The following FSTL4 variants were observed in gnomAD, a reference collection of about 807,000 sequenced individuals.
The protein encoded by FSTL4 is follistatin-related protein 4.
Under a neutral mutation model 78.2 loss-of-function variants are expected in FSTL4, and 28 were observed. That is an observed-to-expected ratio of 0.36 (90% CI 0.27 to 0.49). The LOEUF (loss-of-function observed/expected upper bound fraction) is 0.49, where lower values mean the gene tolerates loss of function less well. FSTL4 is among the 20% of genes least tolerant of loss of function. FSTL4 has a pLI of 0.98. For synonymous variants in FSTL4, 422 were observed against 440.5 expected (o/e 0.96, Z 0.53); for missense variants, 922 against 1,084.9 (o/e 0.85, Z 2.11).
At chr5:133,778,270 A>C in the FSTL4 span, among the ~76,000 whole-genome samples, 1 of 152,220 alleles carries the variant, frequency 6.6e-6, no homozygotes, top group African/African-American at 2.4e-5. Context: ...AAGGCTTCTC[A>C]AAGAAAGCCC....
chr5:133,412,303 C>G (rs757767639), intron 3 of FSTL4, among the ~76,000 whole-genome samples: 46 of 151,968 alleles, frequency 3.0e-4, no homozygotes, highest in Non-Finnish European at 1.5e-4. Context: ...TAGGAAAAGG[C>G]AAATCAGTGA....
chr5:133,353,491 C>T (rs1297001798), intron 4 of FSTL4, among the ~76,000 whole-genome samples: 1 of 152,094 alleles, frequency 6.6e-6, no homozygotes, highest in African/African-American at 2.4e-5. Flanking sequence ...TCCTGCCCTC[C>T]CCTGGAGTTT....
intron 3 of FSTL4, among the ~76,000 whole-genome samples, chr5:133,437,485 GTTTTTTTTTTTT>G (rs11401684): frequency 1.0e-5 from 1 of 95,384 alleles, no homozygotes; most frequent in Non-Finnish European, 2.0e-5. Context: ...GTAAATAGGT[GTTTTTTTTTTTT>G]TTTTTTTTTT....
At chr5:133,811,267 C>T in the FSTL4 span, among the ~76,000 whole-genome samples, 6 of 152,308 alleles carry the variant, frequency 3.9e-5, no homozygotes, top group African/African-American at 9.6e-5. Context: ...CCACTTCCCC[C>T]GAGCACTTTG....
intron 4 of FSTL4, among the ~76,000 whole-genome samples, chr5:133,329,744 C>T (rs373426291): frequency 3.9e-5 from 6 of 152,362 alleles, no homozygotes; most frequent in African/African-American, 1.4e-4. Context: ...AACACCCTCA[C>T]AGACACAGCC....
chr5:133,343,955 T>C (rs1754643208), intron 4 of FSTL4, among the ~76,000 whole-genome samples: 1 of 152,240 alleles, frequency 6.6e-6, no homozygotes, highest in Non-Finnish European at 1.5e-5. Flanking sequence ...ATTCCAGATA[T>C]ATACACACAT....
chr5:133,683,716 G>T, the FSTL4 span, among the ~76,000 whole-genome samples: 1 of 152,088 alleles, frequency 6.6e-6, no homozygotes, highest in Admixed American at 6.5e-5. Context: ...AACCAAGGAC[G>T]TTGATTCCCA....
intron 6 of FSTL4, among the ~76,000 whole-genome samples, chr5:133,307,925 C>T (rs1290687161): frequency 2.6e-5 from 4 of 152,226 alleles, no homozygotes; most frequent in East Asian, 3.9e-4. Flanking sequence ...AGACTACAGG[C>T]GCCCACCACC....
chr5:133,827,618 A>G, the FSTL4 span, among the ~76,000 whole-genome samples: 1 of 152,026 alleles, frequency 6.6e-6, no homozygotes, highest in African/African-American at 2.4e-5. Context: ...TCTTAAGACC[A>G]GAGAGAAGAC....
At chr5:133,754,201 C>T in the FSTL4 span, among the ~76,000 whole-genome samples, 1 of 152,124 alleles carries the variant, frequency 6.6e-6, no homozygotes, top group African/African-American at 2.4e-5. Context: ...CTCAGGGAGC[C>T]TAGTCTTCAT....
At chr5:133,743,707 C>G in the FSTL4 span, among the ~76,000 whole-genome samples, 1 of 152,228 alleles carries the variant, frequency 6.6e-6, no homozygotes, top group African/African-American at 2.4e-5. Flanking sequence ...AAACAAGATA[C>G]TAGCAGGCAA....
intron 4 of FSTL4, among the ~76,000 whole-genome samples, chr5:133,364,655 A>C (rs543758776): frequency 6.6e-6 from 1 of 152,284 alleles, no homozygotes; most frequent in South Asian, 2.1e-4. Flanking sequence ...TAAATCTTTT[A>C]GTCTTCTCTT....
the FSTL4 span, among the ~76,000 whole-genome samples, chr5:133,738,951 C>T: frequency 6.6e-6 from 1 of 152,118 alleles, no homozygotes; most frequent in Non-Finnish European, 1.5e-5. Context: ...TTGTAGGGGT[C>T]CTTGGTTGGG....
chr5:133,608,857 C>A (rs1761028762), intron 1 of FSTL4, among the ~76,000 whole-genome samples: 1 of 152,116 alleles, frequency 6.6e-6, no homozygotes, highest in Non-Finnish European at 1.5e-5. Context: ...TATGAAAATA[C>A]CAAAATCTGC....
intron 4 of FSTL4, among the ~76,000 whole-genome samples, chr5:133,349,744 A>G (rs184390696): frequency 1.2e-3 from 164 of 140,548 alleles, no homozygotes; most frequent in Non-Finnish European, 1.5e-3. Context: ...TGCGACTGTA[A>G]AGGACCCAAA....
chr5:133,670,967 GCTGA>G, the FSTL4 span, among the ~76,000 whole-genome samples: 8 of 152,154 alleles, frequency 5.3e-5, no homozygotes, highest in African/African-American at 1.9e-4. Context: ...TTGAATCTGG[GCTGA>G]CTATGAAATT....
chr5:133,280,392 G>A (rs758508245), intron 6 of FSTL4, among the ~76,000 whole-genome samples: 1 of 152,160 alleles, frequency 6.6e-6, no homozygotes, highest in Non-Finnish European at 1.5e-5. Context: ...CACAGAGCTC[G>A]CCACCTCAGA....
At chr5:133,769,825 T>C in the FSTL4 span, among the ~76,000 whole-genome samples, 3 of 152,168 alleles carry the variant, frequency 2.0e-5, no homozygotes, top group African/African-American at 7.2e-5. Flanking sequence ...TTGTACCCAA[T>C]AGGAATTTTC....
At chr5:133,517,599 T>C (rs1003046322) in intron 3 of FSTL4, among the ~76,000 whole-genome samples, 4 of 108,726 alleles carry the variant, frequency 3.7e-5, no homozygotes, top group Non-Finnish European at 5.9e-5. Context: ...TATAGAGAAA[T>C]AGAACTAATT....
Sources: gnomAD v4.1 joint callset for allele counts (sites outside exome capture counted in the v4.1 genomes callset) on GRCh38, gnomAD v4.1.1 for gene constraint, MANE v1.5 for transcripts, NCBI Gene and HGNC (gene_info 2026-07-23, HGNC 2026-07-21) for gene names.